The following EPHB2 variants were observed in gnomAD, a reference collection of about 807,000 sequenced individuals.
EPHB2 encodes EPH receptor B2.
Under a neutral mutation model 96.4 loss-of-function variants are expected in EPHB2, and 18 were observed. The observed-to-expected ratio is 0.19, with a 90% CI of 0.13 to 0.28. The LOEUF (loss-of-function observed/expected upper bound fraction) is 0.28. Ranked by LOEUF, EPHB2 falls within the 10% of genes least tolerant of loss-of-function variation. The probability of loss-of-function intolerance (pLI) is 1.00; values close to 1 mark genes in which losing one functional copy is unlikely to be tolerated. For missense variants in EPHB2, 989 were observed against 1,355.4 expected (o/e 0.73, Z 4.25); for synonymous variants, 506 against 534.1 (o/e 0.95, Z 0.72).
chr1:22,724,547 A>C (rs765021116), intron 1 of EPHB2, among the ~76,000 whole-genome samples: 48 of 152,184 alleles, frequency 3.2e-4, no homozygotes, highest in Non-Finnish European at 6.2e-4. Flanking sequence ...CAGAGGAGGG[A>C]AGAAAGACTC....
chr1:22,838,888 A>G (rs1170051143), intron 3 of EPHB2, among the ~76,000 whole-genome samples: 1 of 152,040 alleles, frequency 6.6e-6, no homozygotes, highest in Non-Finnish European at 1.5e-5. Context: ...CCGAGATGGC[A>G]CCACTGCTCT....
intron 6 of EPHB2, among the ~76,000 whole-genome samples, chr1:22,890,868 C>T (rs1639367933): frequency 6.6e-6 from 1 of 152,168 alleles, no homozygotes; most frequent in Admixed American, 6.5e-5. Flanking sequence ...TCTTCTTCTG[C>T]CATGGTTGTA....
intron 3 of EPHB2, among the ~76,000 whole-genome samples, chr1:22,792,064 A>G (rs1448042925): frequency 1.3e-5 from 2 of 152,110 alleles, no homozygotes; most frequent in Non-Finnish European, 2.9e-5. Context: ...TGTGCTTCCC[A>G]GCCAAGGGAG....
rs539944538 is a variant in EPHB2, at chr1:22,843,848, C to G, written c.812-19189C>G. Among the ~76,000 whole-genome samples the G allele has an allele frequency of 4.6e-5, 7 of 152,286 alleles. 1 individual carries two copies. Among genetic ancestry groups the G allele is most frequent in the African/African-American group, 1.7e-4 (7 of 41,574 alleles). On this transcript the variant is annotated intron_variant, in intron 3 of 15. Coordinates refer to ENST00000374630, the MANE Select transcript of EPHB2 (RefSeq NM_017449.5). ...GGGCCACCGTACCCAGCCTCTTGTTCCCTTCTTTGTGTCCATGTGTATTCA... is the reference window on the plus strand; with the variant it reads ...GGGCCACCGTACCCAGCCTCTTGTTGCCTTCTTTGTGTCCATGTGTATTCA...
intron 6 of EPHB2, among the ~76,000 whole-genome samples, chr1:22,886,273 A>T (rs1181137174): frequency 6.6e-6 from 1 of 152,202 alleles, no homozygotes; most frequent in Non-Finnish European, 1.5e-5. Context: ...TAGGGCAGGG[A>T]TGTGTGGGCT....
intron 1 of EPHB2, among the ~76,000 whole-genome samples, chr1:22,740,837 A>G (rs1643892768): frequency 6.7e-6 from 1 of 148,858 alleles, no homozygotes; most frequent in Admixed American, 6.8e-5. Flanking sequence ...CCTTGTACTC[A>G]TTTCTTCAGC....
At chr1:22,814,363 C>T (rs1386117045) in intron 3 of EPHB2, among the ~76,000 whole-genome samples, 2 of 152,038 alleles carry the variant, frequency 1.3e-5, no homozygotes, top group Non-Finnish European at 1.5e-5. Context: ...TGATGACTGC[C>T]CTAATGCAAG....
At chr1:22,855,446 G>A (rs933305821) in intron 3 of EPHB2, among the ~76,000 whole-genome samples, 1 of 152,208 alleles carries the variant, frequency 6.6e-6, no homozygotes, top group Non-Finnish European at 1.5e-5. Flanking sequence ...AGGCATCTCA[G>A]CCCCCTGCTT....
intron 5 of EPHB2, among the ~76,000 whole-genome samples, chr1:22,874,470 G>A (rs10799769): frequency 0.051 from 7,766 of 152,196 alleles, 656 homozygotes; most frequent in African/African-American, 0.18. Flanking sequence ...CCAGGGCCTC[G>A]CCTCAGCCCA....
At chr1:22,840,741 A>G (rs1416974558) in intron 3 of EPHB2, among the ~76,000 whole-genome samples, 1 of 152,188 alleles carries the variant, frequency 6.6e-6, no homozygotes, top group African/African-American at 2.4e-5. Context: ...GATTACACAC[A>G]TAAGCCACCA....
chr1:22,731,746 A>C (rs1027034042), intron 1 of EPHB2, among the ~76,000 whole-genome samples: 1 of 152,234 alleles, frequency 6.6e-6, no homozygotes, highest in African/African-American at 2.4e-5. Flanking sequence ...AGGCTGAGGC[A>C]GGAGAATCGC....
chr1:22,799,051 A>G (rs1343800330), intron 3 of EPHB2, among the ~76,000 whole-genome samples: 1 of 152,244 alleles, frequency 6.6e-6, no homozygotes, highest in East Asian at 1.9e-4. Flanking sequence ...CACTGTTTTA[A>G]CCAGCCAGGG....
Position 22,833,065 on chromosome 1 carries a change from G to A in EPHB2, c.812-29972G>A, listed in dbSNP as rs1645329450. Among the ~76,000 whole-genome samples, 3 of 150,404 alleles carry A rather than the reference G, an allele frequency of 2.0e-5. No individual in the cohort carries two copies. In the South Asian group the frequency reaches 6.3e-4, roughly 32 times the overall value. ...GATATTGATACAACCTGGTAAGAGA[G>A]AAAGGAAAATCCTTGGGTGACTTGG... On this transcript the variant is annotated intron_variant, in intron 3 of 15. Coordinates refer to ENST00000374630, the MANE Select transcript of EPHB2 (RefSeq NM_017449.5).
intron 2 of EPHB2, among the ~76,000 whole-genome samples, chr1:22,782,356 A>G (rs1644545086): frequency 6.6e-6 from 1 of 152,074 alleles, no homozygotes; most frequent in African/African-American, 2.4e-5. Context: ...TTGAATATTC[A>G]TCCCTCATCC....
chr1:22,764,720 T>G (rs1259323244), intron 1 of EPHB2, among the ~76,000 whole-genome samples: 1 of 150,694 alleles, frequency 6.6e-6, no homozygotes, highest in African/African-American at 2.5e-5. Flanking sequence ...CACTCCAGCC[T>G]GGGCAACTCT....
intron 1 of EPHB2, among the ~76,000 whole-genome samples, chr1:22,772,251 G>A (rs1034727548): frequency 5.3e-5 from 8 of 152,190 alleles, no homozygotes; most frequent in East Asian, 3.9e-4. Context: ...CAGTGCTGGC[G>A]GATGCCCAGG....
chr1:22,784,501 G>A lies in EPHB2; in HGVS notation c.236G>A (p.Arg79Gln), dbSNP rs746830376. ...QNNWLRTKFI[R>Q]RRGAHRIHVE... is the part of the protein sequence containing the mutation. Reference sequence around the variant, plus strand: ...AACTGGCTACGGACCAAGTTTATCCGGCGCCGTGGCGCCCACCGCATCCAC... The same window carrying A: ...AACTGGCTACGGACCAAGTTTATCCAGCGCCGTGGCGCCCACCGCATCCAC... Residue 79 changes from arginine to glutamine, a missense_variant, in exon 3 of 16, where the codon CGG becomes CAG. Transcript: ENST00000374630. The surrounding 1 kb of genome is among the most constrained non-coding windows in gnomAD (Gnocchi z 5.1). 1.4e-5 allele frequency: 23 copies of A among 1,613,474 alleles called. No individual in the cohort carries two copies. Among genetic ancestry groups the A allele is most frequent in the Middle Eastern group, 1.6e-4 (1 of 6,084 alleles).
chr1:22,735,536 G>GC (rs1313400911), intron 1 of EPHB2, among the ~76,000 whole-genome samples: 1 of 152,136 alleles, frequency 6.6e-6, no homozygotes, highest in Non-Finnish European at 1.5e-5. Context: ...AAGACTGCTG[G>GC]CTTACCCCAG....
At chr1:22,758,428 T>C (rs1165312648) in intron 1 of EPHB2, among the ~76,000 whole-genome samples, 1 of 152,040 alleles carries the variant, frequency 6.6e-6, no homozygotes, top group Admixed American at 6.5e-5. Flanking sequence ...CAGCCCGTCG[T>C]AAGGGCACCA....
Sources: allele counts gnomAD v4.1 joint callset (sites outside exome capture counted in the v4.1 genomes callset), GRCh38; gene constraint gnomAD v4.1.1; non-coding constraint Gnocchi (gnomAD v3.1); transcripts MANE v1.5; gene names NCBI Gene and HGNC (gene_info 2026-07-23, HGNC 2026-07-21).